LAMA4: variants seen among roughly 807,000 people sequenced by gnomAD.
LAMA4 encodes laminin subunit alpha-4.
Under a neutral mutation model 207.1 loss-of-function variants are expected in LAMA4, and 127 were observed. The ratio of observed to expected loss-of-function variants is 0.61; its 90% CI spans 0.53 to 0.71. The LOEUF (loss-of-function observed/expected upper bound fraction) is 0.71, where lower values mean the gene tolerates loss of function less well. LAMA4 is among the 30% of genes least tolerant of loss of function. The pLI, the probability that LAMA4 is intolerant of heterozygous loss-of-function variation, is 0.00. For missense variants in LAMA4, 2,093 were observed against 2,246.5 expected (o/e 0.93, Z 1.38); for synonymous variants, 761 against 816.0 (o/e 0.93, Z 1.15).
chr6:112,204,930 T>C (rs6939808), intron 4 of LAMA4, among the ~76,000 whole-genome samples: 8,373 of 152,262 alleles, frequency 0.055, 732 homozygotes, highest in African/African-American at 0.19. Context: ...AGACTTGTAG[T>C]ATTTGAATAC....
At chr6:112,219,750 C>T (rs1379824400) in intron 2 of LAMA4, among the ~76,000 whole-genome samples, 2 of 152,132 alleles carry the variant, frequency 1.3e-5, no homozygotes, top group African/African-American at 4.8e-5. Context: ...GTCACTGTGT[C>T]AGTTATGTTG....
At chr6:112,131,495 A>T (rs1346578511) in intron 28 of LAMA4, among the ~76,000 whole-genome samples, 1 of 152,070 alleles carries the variant, frequency 6.6e-6, no homozygotes, top group African/African-American at 2.4e-5. Flanking sequence ...TTGGCTTTTT[A>T]AAATCTTTCA....
chr6:112,156,680 G>A (rs1780735358), intron 14 of LAMA4, among the ~76,000 whole-genome samples: 1 of 151,962 alleles, frequency 6.6e-6, no homozygotes, highest in Non-Finnish European at 1.5e-5. Flanking sequence ...GTAACTTCCA[G>A]AAGGTCCTCC....
At chr6:112,181,504 C>T (rs1554345262) in intron 9 of LAMA4, among the ~76,000 whole-genome samples, 1 of 152,168 alleles carries the variant, frequency 6.6e-6, no homozygotes, top group Non-Finnish European at 1.5e-5. Flanking sequence ...AAGAACTTAG[C>T]ACGCTGCTTC....
In LAMA4 at chr6:112,111,334, A is replaced by G. The variant is rs587650414; in HGVS notation, c.5327-1752T>C. On this transcript the variant is annotated intron_variant, in intron 38 of 38. Transcript: ENST00000230538. ...GCTAGGATTACAGGCGCGAGCCACC[A>G]TGTCCGGCAGAAAAAAAATTCTTTG... 5.9e-5 allele frequency among the ~76,000 whole-genome samples: 9 copies of G among 152,306 alleles called. 1 individual carries two copies. In the South Asian group the frequency reaches 1.9e-3, roughly 32 times the overall value.
intron 6 of LAMA4, among the ~76,000 whole-genome samples, chr6:112,189,617 G>A (rs1480584299): frequency 5.9e-5 from 9 of 152,122 alleles, no homozygotes; most frequent in African/African-American, 2.2e-4. Context: ...AATTTAACTC[G>A]GGGGTTGATC....
At chr6:112,216,319 T>C (rs377008294) in intron 3 of LAMA4, 49 bp downstream of exon 3, 10 of 1,202,314 alleles carry the variant, frequency 8.3e-6, no homozygotes, top group African/African-American at 3.0e-5. Flanking sequence ...TCACCCAAGA[T>C]GCAAATGCCC....
At position 112,214,614 on chromosome 6, in the gene LAMA4, G is replaced by A. The variant is rs374290729; in HGVS notation, c.297+1754C>T. The stretch of plus-strand genomic sequence containing the variant: ...AAAGATATTTTTCTCCGGACAGGAT[G>A]AGGTGGAGAAACCATCATTAAGATG... On this transcript the variant is annotated intron_variant, in intron 3 of 38. Coordinates refer to ENST00000230538, the MANE Select transcript of LAMA4 (RefSeq NM_001105206.3). Among the ~76,000 whole-genome samples, 76 of 152,296 alleles carry A rather than the reference G, an allele frequency of 5.0e-4. No homozygotes were observed. The East Asian group carries it at 0.015, about 29-fold the overall frequency.
intron 5 of LAMA4, among the ~76,000 whole-genome samples, chr6:112,195,885 A>G (rs1783385963): frequency 6.6e-6 from 1 of 151,920 alleles, no homozygotes; most frequent in African/African-American, 2.4e-5. Flanking sequence ...TGTTAGATTA[A>G]GTCACTTCAT....
At chr6:112,249,669 T>C (rs958076845) in intron 2 of LAMA4, among the ~76,000 whole-genome samples, 1 of 152,130 alleles carries the variant, frequency 6.6e-6, no homozygotes, top group Non-Finnish European at 1.5e-5. Context: ...ACCAGTCACA[T>C]TGATTTGTCA....
intron 2 of LAMA4, among the ~76,000 whole-genome samples, chr6:112,241,279 C>A (rs1226695202): frequency 6.7e-6 from 1 of 149,152 alleles, no homozygotes; most frequent in Non-Finnish European, 1.5e-5. Flanking sequence ...ACGACTGTTA[C>A]TCCTCCTATG....
At chr6:112,174,154 A>G (rs1394398324) in intron 11 of LAMA4, among the ~76,000 whole-genome samples, 2 of 152,222 alleles carry the variant, frequency 1.3e-5, no homozygotes, top group East Asian at 1.9e-4. Flanking sequence ...AGTGGAGTCT[A>G]TCTCTCTACT....
chr6:112,218,354 T>A (rs1262825622), intron 2 of LAMA4: 1 of 152,144 alleles, frequency 6.6e-6, no homozygotes, highest in African/African-American at 2.4e-5. Flanking sequence ...TACAGAAAAA[T>A]TGTGAAGGAT....
Position 112,117,632 on chromosome 6 carries a change from G to T in LAMA4, c.4981+107C>A. 9.1e-7 allele frequency: 1 copy of T among 1,099,432 alleles called. No homozygotes were observed. 68.1% of individuals were successfully genotyped at this position (1,099,432 alleles called of 1,614,324 possible). A position where few individuals can be genotyped will look rare whatever the true frequency, so the allele number is the denominator to read the frequency against. ...TTGTGGGAAGAGGTCATCTTCTAGG[G>T]CTGAGTTTGGCATTCTTAAGTTTTA... is the stretch of plus-strand genomic sequence containing the variant. On this transcript the variant is annotated intron_variant, in intron 35 of 38. Transcript: ENST00000230538. This position sits in a 1 kb window ranked among gnomAD's most constrained non-coding sequence, Gnocchi z 4.5.
intron 29 of LAMA4, 54 bp downstream of exon 29, chr6:112,130,911 CATA>C: frequency 7.6e-6 from 12 of 1,580,374 alleles, no homozygotes; most frequent in Non-Finnish European, 1.0e-5. Context: ...TGGTTTTTGA[CATA>C]ATCATGTCCC....
In LAMA4 at chr6:112,155,562, C is replaced by G. The variant is rs782020351; in HGVS notation, c.1959+3G>C. On this transcript the variant is annotated splice_donor_region_variant and intron_variant, in intron 15 of 38. Coordinates refer to ENST00000230538, the MANE Select transcript of LAMA4 (RefSeq NM_001105206.3). ...GTATAAAGAACTTTCAGGGAATACT[C>G]ACATCATAAATTCGGTCAGTGGTGT... The G allele has an allele frequency of 1.2e-6, 2 of 1,614,114 alleles. No homozygotes were observed. The highest frequency in any genetic ancestry group is 1.7e-6 in the Non-Finnish European group (2 of 1,179,980).
intron 12 of LAMA4, among the ~76,000 whole-genome samples, chr6:112,165,662 A>G (rs997722837): frequency 2.6e-5 from 4 of 152,244 alleles, no homozygotes; most frequent in Non-Finnish European, 4.4e-5. Context: ...AAAAGTATTT[A>G]TCATGTGCCA....
intron 2 of LAMA4, among the ~76,000 whole-genome samples, chr6:112,241,976 C>T (rs1420007265): frequency 1.3e-5 from 2 of 152,202 alleles, no homozygotes; most frequent in African/African-American, 2.4e-5. Flanking sequence ...ATCAGAATGA[C>T]TCCCTTGTTA....
intron 2 of LAMA4, among the ~76,000 whole-genome samples, chr6:112,228,525 C>T (rs964201043): frequency 1.3e-5 from 2 of 151,948 alleles, no homozygotes; most frequent in Non-Finnish European, 2.9e-5. Flanking sequence ...TAGAGTTTAC[C>T]GAATTGTGGG....
Sources: gnomAD v4.1 joint callset for allele counts (sites outside exome capture counted in the v4.1 genomes callset) on GRCh38, gnomAD v4.1.1 for gene constraint, Gnocchi (gnomAD v3.1) non-coding constraint, MANE v1.5 for transcripts, NCBI Gene and HGNC (gene_info 2026-07-23, HGNC 2026-07-21) for gene names.